Variants in NHS observed in about 807,000 individuals in gnomAD.
NHS encodes the protein actin remodeling regulator NHS.
NHS carries 5 observed loss-of-function variants against 72.5 expected under a neutral mutation model. The observed-to-expected ratio is 0.07, with a 90% CI of 0.04 to 0.14. The LOEUF (loss-of-function observed/expected upper bound fraction) is 0.14, where lower values mean the gene tolerates loss of function less well. NHS is among the 10% of genes least tolerant of loss of function. The pLI is 1.00. For synonymous variants in NHS, 464 were observed against 547.7 expected, an observed-to-expected ratio of 0.85 and a Z score of 2.13; for missense variants, 1,072 against 1,355.7, an observed-to-expected ratio of 0.79 and a Z score of 3.29.
chrX:17,396,463 G>A lies in NHS; in HGVS notation c.565+20141G>A, dbSNP rs183909055. Reference sequence around the variant, plus strand: ...TAAGTTGATTTTATGATCTCCTAATGAGCCACAAACCACAGTTTGAAAAAC... The same window carrying A: ...TAAGTTGATTTTATGATCTCCTAATAAGCCACAAACCACAGTTTGAAAAAC... On this transcript the variant is annotated intron_variant, in intron 1 of 8. Transcript: ENST00000676302. Among the ~76,000 whole-genome samples the A allele has an allele frequency of 1.8e-3, 200 of 110,777 alleles. 1 individual carries two copies. Among genetic ancestry groups the A allele is most frequent in the African/African-American group, 6.2e-3 (188 of 30,514 alleles).
At chrX:17,639,662 A>G (rs933508000) in intron 1 of NHS, among the ~76,000 whole-genome samples, 2 of 112,572 alleles carry the variant, frequency 1.8e-5, no homozygotes, top group Admixed American at 1.9e-4. Flanking sequence ...TAATTCATTA[A>G]TCTGTTTATC....
intron 1 of NHS, among the ~76,000 whole-genome samples, chrX:17,506,358 G>A (rs1042464226): frequency 3.7e-5 from 4 of 109,094 alleles, no homozygotes; most frequent in Non-Finnish European, 3.8e-5. Context: ...GCAAAATCCC[G>A]TCTCTACTAA....
intron 1 of NHS, among the ~76,000 whole-genome samples, chrX:17,433,997 G>A (rs768711490): frequency 1.8e-5 from 2 of 112,193 alleles, no homozygotes; most frequent in South Asian, 7.4e-4. Context: ...GGTCACTCAA[G>A]AACCCAGGCT....
At chrX:17,430,850 A>G (rs193072241) in intron 1 of NHS, among the ~76,000 whole-genome samples, 1 of 112,492 alleles carries the variant, frequency 8.9e-6, no homozygotes, top group East Asian at 2.8e-4. Context: ...CTATGGATAT[A>G]CTACATTTTA....
intron 1 of NHS, among the ~76,000 whole-genome samples, chrX:17,474,916 A>G (rs1390297340): frequency 9.0e-6 from 1 of 111,284 alleles, no homozygotes; most frequent in African/African-American, 3.3e-5. Flanking sequence ...AGCCTTTCAA[A>G]TGGCATCATC....
intron 1 of NHS, among the ~76,000 whole-genome samples, chrX:17,518,859 A>G (rs1044199170): frequency 2.7e-5 from 3 of 111,422 alleles, no homozygotes; most frequent in African/African-American, 9.8e-5. Flanking sequence ...AACTCTGAGA[A>G]CCTCTGGTTA....
At chrX:17,442,999 G>T (rs2064763072) in intron 1 of NHS, among the ~76,000 whole-genome samples, 2 of 111,816 alleles carry the variant, frequency 1.8e-5, no homozygotes, top group Admixed American at 1.9e-4. Context: ...TGATGTCTCA[G>T]ATGTACCATA....
At chrX:17,591,484 A>G (rs1250191138) in intron 1 of NHS, among the ~76,000 whole-genome samples, 1 of 111,923 alleles carries the variant, frequency 8.9e-6, no homozygotes, top group Non-Finnish European at 1.9e-5. Context: ...ATCTGTCTCT[A>G]TTATTTCCAT....
chrX:17,563,341 G>T (rs1000345641), intron 1 of NHS, among the ~76,000 whole-genome samples: 1 of 112,559 alleles, frequency 8.9e-6, no homozygotes, highest in Non-Finnish European at 1.9e-5. Flanking sequence ...GAGCAGATTT[G>T]CTTCAGCTCA....
At chrX:17,609,079 C>T (rs2065696215) in intron 1 of NHS, among the ~76,000 whole-genome samples, 1 of 111,511 alleles carries the variant, frequency 9.0e-6, no homozygotes, top group African/African-American at 3.3e-5. Context: ...TGAATATCAC[C>T]CCTGGATATC....
intron 1 of NHS, among the ~76,000 whole-genome samples, chrX:17,541,328 T>G (rs1037260974): frequency 2.7e-5 from 3 of 112,129 alleles, no homozygotes; most frequent in Middle Eastern, 4.7e-3. Context: ...ACAAGGCTTT[T>G]CTATGAGATG....
At chrX:17,454,058 C>T (rs781545838) in intron 1 of NHS, among the ~76,000 whole-genome samples, 6 of 111,860 alleles carry the variant, frequency 5.4e-5, no homozygotes, top group Admixed American at 9.5e-5. Context: ...TTAATCAGCC[C>T]CACATGTTTG....
At position 17,564,884 on chromosome X, in the gene NHS, C is replaced by T. The variant is rs147647424; in HGVS notation, c.566-122858C>T. ...CAAAGGCGAGTCCAGTGTTTCCACA[C>T]GGAGCCTTGCACCACAAACTAACTG... On this transcript the variant is annotated intron_variant, in intron 1 of 8. Coordinates refer to ENST00000676302, the MANE Select transcript of NHS (RefSeq NM_001291867.2). Among the ~76,000 whole-genome samples, 149 of 112,304 alleles carry T rather than the reference C, an allele frequency of 1.3e-3. No homozygotes were observed. In the Middle Eastern group the frequency reaches 0.014, roughly 10 times the overall value.
At chrX:17,597,143 G>A (rs778000076) in intron 1 of NHS, among the ~76,000 whole-genome samples, 1 of 88,926 alleles carries the variant, frequency 1.1e-5, no homozygotes, top group South Asian at 6.0e-4. Flanking sequence ...TTTTTGATAC[G>A]GAGTCTTGCT....
intron 1 of NHS, among the ~76,000 whole-genome samples, chrX:17,564,140 C>T (rs904950309): frequency 8.9e-6 from 1 of 111,787 alleles, no homozygotes; most frequent in East Asian, 2.8e-4. Context: ...TAGACAGACC[C>T]GAAACAGCAA....
Position 17,726,287 on chromosome X carries a change from C to T in NHS, c.2181C>T (p.His727=). The T allele has an allele frequency of 8.3e-7, 1 of 1,211,977 alleles. No homozygotes were observed. Among genetic ancestry groups the T allele is most frequent in the East Asian group, 3.0e-5 (1 of 33,841 alleles). The change falls in exon 7 of 9, where the codon CAC becomes CAT. Residue 727 remains histidine, a synonymous_variant. Coordinates refer to ENST00000676302, the MANE Select transcript of NHS (RefSeq NM_001291867.2). ...NTSDSEWNYL[H]HHHDASCRQD... ...GTGACAGTGAGTGGAATTACCTACA[C>T]CACCACCATGATGCCTCCTGCCGCC...
chrX:17,560,297 C>T (rs775095048), intron 1 of NHS, among the ~76,000 whole-genome samples: 1 of 112,324 alleles, frequency 8.9e-6, no homozygotes, highest in Admixed American at 9.4e-5. Flanking sequence ...ATTTCTGGGT[C>T]ACAGGCTAGC....
intron 2 of NHS, among the ~76,000 whole-genome samples, chrX:17,690,804 CT>C (rs914638352): frequency 1.6e-4 from 18 of 112,154 alleles, no homozygotes; most frequent in South Asian, 3.7e-4. Context: ...GCTCTGATTA[CT>C]TTTTTTCCCC....
At chrX:17,417,113 C>T (rs1240218208) in intron 1 of NHS, among the ~76,000 whole-genome samples, 1 of 110,627 alleles carries the variant, frequency 9.0e-6, no homozygotes, top group Non-Finnish European at 1.9e-5. Flanking sequence ...CACACACACA[C>T]ACACACAGAG....
Sources: gnomAD v4.1 joint callset for allele counts (sites outside exome capture counted in the v4.1 genomes callset) on GRCh38, gnomAD v4.1.1 for gene constraint, MANE v1.5 for transcripts, NCBI Gene and HGNC (gene_info 2026-07-23, HGNC 2026-07-21) for gene names.